SMARCD3: variants seen among roughly 807,000 people sequenced by gnomAD.
SMARCD3 encodes SWI/SNF related BAF chromatin remodeling complex subunit D3.
A neutral mutation model predicts 58.0 loss-of-function variants in SMARCD3; 14 were observed. The ratio of observed to expected loss-of-function variants is 0.24; its 90% CI spans 0.16 to 0.38. SMARCD3 has a LOEUF of 0.38. SMARCD3 is among the 10% of genes least tolerant of loss of function. The probability of loss-of-function intolerance (pLI) is 1.00; values close to 1 mark genes in which losing one functional copy is unlikely to be tolerated. For missense variants in SMARCD3, 408 were observed against 636.9 expected, an observed-to-expected ratio of 0.64 and a Z score of 3.87; for synonymous variants, 253 against 253.8, an observed-to-expected ratio of 1.00 and a Z score of 0.03.
chr7:151,258,042 C>T (rs1421457710), intron 2 of SMARCD3, among the ~76,000 whole-genome samples: 1 of 152,160 alleles, frequency 6.6e-6, no homozygotes, highest in Non-Finnish European at 1.5e-5. Context: ...CCAGTCTTCT[C>T]CCTCCTTCCA....
chr7:151,266,544 A>C (rs971299447), intron 2 of SMARCD3, among the ~76,000 whole-genome samples: 1 of 152,208 alleles, frequency 6.6e-6, no homozygotes, highest in South Asian at 2.1e-4. Flanking sequence ...TGTATTGAGA[A>C]AGGGACAGGA....
At position 151,241,908 on chromosome 7, in the gene SMARCD3, C is replaced by T. The variant is rs374935911; in HGVS notation, c.746G>A (p.Arg249His). The T allele has an allele frequency of 1.8e-5, 29 of 1,612,030 alleles. No homozygotes were observed. The highest frequency in any genetic ancestry group is 3.4e-5 in the Admixed American group (2 of 59,700). The change falls in exon 7 of 13, where the codon CGC (arginine) becomes CAC (histidine). Residue 249 changes from arginine to histidine, a missense_variant. Transcript: ENST00000262188. This position sits in a 1 kb window ranked among gnomAD's most constrained non-coding sequence, Gnocchi z 5.3. ...QVKRPGDLSV[R>H]CTLLLMLDYQ... ...GTCCAGCATGAGGAGCAGCGTGCAG[C>T]GCACACTCAGGTCCCCAGGCCGTTT... is the stretch of plus-strand genomic sequence containing the variant.
chr7:151,255,949 C>T (rs570105152), intron 2 of SMARCD3, among the ~76,000 whole-genome samples: 281 of 151,664 alleles, frequency 1.9e-3, no homozygotes, highest in Non-Finnish European at 2.5e-3. Flanking sequence ...GGCGCGATCT[C>T]GGCTCACTGC....
chr7:151,274,305 T>A (rs1795270207), intron 2 of SMARCD3, among the ~76,000 whole-genome samples: 1 of 152,142 alleles, frequency 6.6e-6, no homozygotes, highest in Admixed American at 6.5e-5. Flanking sequence ...AGACTTCAGT[T>A]CCGACCCCTT....
At chr7:151,272,885 A>G (rs928055525) in intron 2 of SMARCD3, among the ~76,000 whole-genome samples, 1 of 152,136 alleles carries the variant, frequency 6.6e-6, no homozygotes, top group Non-Finnish European at 1.5e-5. Flanking sequence ...GATGGTTAGG[A>G]GTCCAGCCAC....
At chr7:151,269,936 C>G (rs1326184809) in intron 2 of SMARCD3, among the ~76,000 whole-genome samples, 1 of 152,206 alleles carries the variant, frequency 6.6e-6, no homozygotes, top group Non-Finnish European at 1.5e-5. Flanking sequence ...CCTTCTAGCA[C>G]AGGCACAGGT....
rs373388561 is a variant in SMARCD3, at chr7:151,274,969, C to A, written c.39+145G>T. The A allele has an allele frequency of 1.0e-4, 66 of 648,700 alleles. No individual in the cohort carries two copies. In the East Asian group the frequency reaches 1.1e-3, roughly 11 times the overall value. The allele number at this position is 648,700 out of a possible 1,614,324, so 40.2% of individuals were successfully genotyped here. On this transcript the variant is annotated intron_variant, in intron 2 of 13. Transcript: ENST00000356800. ...AGGGGTGGGGAGAGGGACAGAGAGG[C>A]CCTGCCATGGGCACTAAGGAGTCCA... is the stretch of plus-strand genomic sequence containing the variant.
chr7:151,246,928 C>T lies in SMARCD3; in HGVS notation c.79-1257G>A, dbSNP rs992338728. On this transcript the variant is annotated intron_variant, in intron 1 of 12. Transcript: ENST00000262188. The surrounding 1 kb of genome is among the most constrained non-coding windows in gnomAD (Gnocchi z 4.4). ...AACATGGACACACCACCCACCTCAC[C>T]CCCAGGCATGAGGAGGGGCCCCCTT... 6.6e-6 allele frequency among the ~76,000 whole-genome samples: 1 copy of T among 152,084 alleles called. No homozygotes were observed. Among genetic ancestry groups the T allele is most frequent in the Non-Finnish European group, 1.5e-5 (1 of 67,992 alleles).
Position 151,238,934 on chromosome 7 carries a change from C to CCCCCT in SMARCD3, c.*164_*168dup. The CCCCCT allele has an allele frequency of 6.8e-6, 7 of 1,028,238 alleles. No homozygotes were observed. The South Asian group carries it at 1.0e-4, about 15-fold the overall frequency. The allele number at this position is 1,028,238 out of a possible 1,614,324, so 63.7% of individuals were successfully genotyped here. On this transcript the variant is annotated 3_prime_UTR_variant, in exon 13 of 13. Transcript: ENST00000262188. ...CCACCTTCTTCCCTTCCCCTTCTCT[C>CCCCCT]CCCCTCCCCTCCCCAGTTTCCAATG...
At chr7:151,275,251 T>A in exon 2 of SMARCD3, 1 of 1,041,784 alleles carries the variant, frequency 9.6e-7, no homozygotes. Flanking sequence ...ATTCTGAGGA[T>A]CTGAAAGGAG....
At chr7:151,251,176 G>A (rs1384605247), upstream of SMARCD3, among the ~76,000 whole-genome samples, 1 of 152,122 alleles carries the variant, frequency 6.6e-6, no homozygotes, top group African/African-American at 2.4e-5. Flanking sequence ...GTAGTTAGAC[G>A]AGGGGCTATG....
chr7:151,273,361 G>A (rs760580910), intron 2 of SMARCD3, among the ~76,000 whole-genome samples: 3 of 152,180 alleles, frequency 2.0e-5, no homozygotes, highest in African/African-American at 2.4e-5. Flanking sequence ...GGCTCCCTCC[G>A]ACTGCTGCTG....
chr7:151,277,134 G>T (rs972082190), upstream of SMARCD3: 1 of 151,004 alleles, frequency 6.6e-6, no homozygotes, highest in Non-Finnish European at 1.5e-5. Flanking sequence ...TCGGCGCTCG[G>T]CTCGGCCCGG....
At chr7:151,261,262 G>A (rs921524011) in intron 2 of SMARCD3, among the ~76,000 whole-genome samples, 2 of 152,168 alleles carry the variant, frequency 1.3e-5, no homozygotes, top group African/African-American at 4.8e-5. Context: ...GAGCTGCCTT[G>A]CACACTGTAT....
intron 1 of SMARCD3, among the ~76,000 whole-genome samples, chr7:151,276,138 C>T (rs537008999): frequency 7.5e-6 from 1 of 133,962 alleles, no homozygotes; most frequent in African/African-American, 2.9e-5. Flanking sequence ...GCTACCAGTC[C>T]AGGGTCGGGG....
At position 151,245,610 on chromosome 7, in the gene SMARCD3, C is replaced by A; in HGVS notation, c.140G>T (p.Gly47Val). 8.5e-7 allele frequency: 1 copy of A among 1,182,932 alleles called. No homozygotes were observed. 73.3% of individuals were successfully genotyped at this position (1,182,932 alleles called of 1,614,324 possible). ...PHQGAPMGPPGSPYMGSPAVR... is the reference protein window; with the variant it reads ...PHQGAPMGPPVSPYMGSPAVR... The stretch of plus-strand genomic sequence containing the variant: ...GGCGGGGCTGCCCATGTACGGGGAG[C>A]CCGGGGGGCCCATGGGCGCCCCCTG... The change falls in exon 2 of 13, where the codon GGC becomes GTC. Residue 47 changes from glycine to valine, a missense_variant. This residue lies in a region of SMARCD3 where 84 missense variants were observed against 81.2 expected (regional missense o/e 1.03). Coordinates refer to ENST00000262188, the MANE Select transcript of SMARCD3 (RefSeq NM_001003801.2). The surrounding 1 kb of genome is among the most constrained non-coding windows in gnomAD (Gnocchi z 6.2).
At position 151,240,444 on chromosome 7, in the gene SMARCD3, C is replaced by T. The variant is rs767777695; in HGVS notation, c.1018G>A (p.Val340Ile). The part of the protein sequence containing the change: ...TALLLPPDPI[V>I]INHVISVDPS... ...CCTCACCTGATGACATGGTTGATGA[C>T]AATTGGGTCAGGGGGCAATAGCAGG... Residue 340 changes from valine (V) to isoleucine (I), a missense_variant, in exon 9 of 13, where the codon GTC becomes ATC. By Grantham distance (29) the Val-to-Ile change is conservative (BLOSUM62 3). This residue lies in a region of SMARCD3 where 115 missense variants were observed against 257.2 expected (regional missense o/e 0.45). Transcript: ENST00000262188. The T allele has an allele frequency of 8.7e-6, 14 of 1,613,626 alleles. No individual in the cohort carries two copies. Among genetic ancestry groups the T allele is most frequent in the South Asian group, 5.5e-5 (5 of 90,976 alleles).
chr7:151,272,989 T>A (rs950593275), intron 2 of SMARCD3, among the ~76,000 whole-genome samples: 2 of 152,152 alleles, frequency 1.3e-5, no homozygotes, highest in South Asian at 2.1e-4. Flanking sequence ...TTTTCACTAA[T>A]CATGAGCACT....
At chr7:151,256,859 C>A (rs1803716485) in intron 2 of SMARCD3, among the ~76,000 whole-genome samples, 1 of 151,124 alleles carries the variant, frequency 6.6e-6, no homozygotes, top group Admixed American at 6.6e-5. Flanking sequence ...TCCAGATGAG[C>A]TATCTGTGTT....
Sources: allele counts gnomAD v4.1 joint callset (sites outside exome capture counted in the v4.1 genomes callset), GRCh38; gene constraint gnomAD v4.1.1; regional missense constraint gnomAD v4.1.1; non-coding constraint Gnocchi (gnomAD v3.1); transcripts MANE v1.5; gene names NCBI Gene and HGNC (gene_info 2026-07-23, HGNC 2026-07-21).